Variants in SGSM1 observed in about 807,000 individuals in gnomAD.
SGSM1 encodes small G protein signaling modulator 1, also known as RUN and TBC1 domain containing 2.
SGSM1 carries 73 observed loss-of-function variants against 133.8 expected under a neutral mutation model. That is an observed-to-expected ratio of 0.55 (90% CI 0.45 to 0.66). The LOEUF (loss-of-function observed/expected upper bound fraction) is 0.66, where lower values mean the gene tolerates loss of function less well. SGSM1 is among the 30% of genes least tolerant of loss of function. The pLI is 0.00. For synonymous variants in SGSM1, 563 were observed against 573.0 expected (o/e 0.98, Z 0.25); for missense variants, 1,213 against 1,448.1 (o/e 0.84, Z 2.64).
At chr22:24,822,812 CTTTGA>C (rs1928561743) in intron 2 of SGSM1, among the ~76,000 whole-genome samples, 1 of 152,220 alleles carries the variant, frequency 6.6e-6, no homozygotes, top group Middle Eastern at 3.2e-3. Context: ...GAGCAAGAGA[CTTTGA>C]TTTAAGTCCC....
chr22:24,896,908 C>T (rs1298623907), intron 18 of SGSM1, among the ~76,000 whole-genome samples: 2 of 151,656 alleles, frequency 1.3e-5, no homozygotes, highest in Admixed American at 6.6e-5. Flanking sequence ...ACCCGGGAGG[C>T]GGAGGTTGTG....
chr22:24,921,437 C>G (rs1934004742), intron 24 of SGSM1, among the ~76,000 whole-genome samples: 1 of 152,148 alleles, frequency 6.6e-6, no homozygotes, highest in Non-Finnish European at 1.5e-5. Context: ...TCTCAAGTGA[C>G]TATTCTATAA....
At chr22:24,919,017 A>G (rs1411428625) in intron 23 of SGSM1, among the ~76,000 whole-genome samples, 1 of 139,864 alleles carries the variant, frequency 7.1e-6, no homozygotes, top group African/African-American at 2.7e-5. Flanking sequence ...TTGGGATTAC[A>G]GGTGTGAGCC....
In SGSM1 at chr22:24,926,381, CT is replaced by C. The variant is rs1043537423; in HGVS notation, c.*2108del. 2.0e-5 allele frequency: 3 copies of C among 152,190 alleles called. No individual in the cohort carries two copies. Among genetic ancestry groups the C allele is most frequent in the Non-Finnish European group, 4.4e-5 (3 of 68,050 alleles). The allele number at this position is 152,190 out of a possible 1,614,324, so 9.4% of individuals were successfully genotyped here. A position where few individuals can be genotyped will look rare whatever the true frequency, so the allele number is the denominator to read the frequency against. The stretch of plus-strand genomic sequence containing the variant: ...GAAACGGGAGACGGCAACGTTCTGG[CT>C]GCCATTAGACTTACGTCTCCCTCCC... On this transcript the variant is annotated 3_prime_UTR_variant, in exon 25 of 25. Transcript: ENST00000400358.
chr22:24,808,844 C>A (rs879336457), intron 2 of SGSM1, among the ~76,000 whole-genome samples: 3 of 152,174 alleles, frequency 2.0e-5, no homozygotes, highest in Non-Finnish European at 2.9e-5. Context: ...CCCAAGAGCA[C>A]ACAGCCAAGA....
intron 14 of SGSM1, among the ~76,000 whole-genome samples, chr22:24,883,473 T>A (rs1249737215): frequency 6.6e-6 from 1 of 152,160 alleles, no homozygotes; most frequent in Non-Finnish European, 1.5e-5. Flanking sequence ...GCCTCTAGCC[T>A]ATGAATTAAA....
At chr22:24,920,020 G>A (rs1277029210) in intron 24 of SGSM1, 27 bp downstream of exon 24, 3 of 1,567,948 alleles carry the variant, frequency 1.9e-6, no homozygotes, top group African/African-American at 2.7e-5. Flanking sequence ...GGCCTCATGA[G>A]AGGGGTGCAG....
intron 21 of SGSM1, among the ~76,000 whole-genome samples, chr22:24,906,263 C>T (rs550497998): frequency 4.2e-4 from 64 of 152,214 alleles, no homozygotes; most frequent in South Asian, 2.1e-4. Flanking sequence ...AAACTAAACA[C>T]GATAGAGGGC....
Position 24,850,473 on chromosome 22 carries a change from C to A in SGSM1, c.455+41C>A, listed in dbSNP as rs192208623. 76 of 1,597,066 alleles carry A rather than the reference C, an allele frequency of 4.8e-5. 1 individual carries two copies. In the East Asian group the frequency reaches 1.3e-3, roughly 27 times the overall value. On this transcript the variant is annotated intron_variant, in intron 5 of 24. Transcript: ENST00000400358. ...CTGACACCTGGCCATGCTCTGCCCC[C>A]ACCTGCCGGCCGTTGTGGAAATTGC... is the stretch of plus-strand genomic sequence containing the variant.
intron 2 of SGSM1, among the ~76,000 whole-genome samples, chr22:24,822,029 A>T (rs1928502667): frequency 6.6e-6 from 1 of 151,106 alleles, no homozygotes; most frequent in Non-Finnish European, 1.5e-5. Context: ...TCACAGTATC[A>T]TGAGGAGAGT....
At chr22:24,847,897 G>T (rs1451874066) in intron 4 of SGSM1, 101 bp downstream of exon 4, 1 of 1,433,194 alleles carries the variant, frequency 7.0e-7, no homozygotes, top group Non-Finnish European at 9.3e-7. Context: ...ACTCTTTTCA[G>T]TCTCCATCCT....
rs142013629 is a variant in SGSM1 at position 24,880,929 on chromosome 22, G to A, written c.1495+1403G>A. 2.3e-3 allele frequency among the ~76,000 whole-genome samples: 343 copies of A among 152,314 alleles called. 1 individual carries two copies. Among genetic ancestry groups the A allele is most frequent in the African/African-American group, 7.6e-3 (317 of 41,574 alleles). On this transcript the variant is annotated intron_variant, in intron 14 of 24. Transcript: ENST00000400358. ...ATAATGGGCAGGCGCGGTGGCTTGC[G>A]CCTATAATCCCAGCACTTTGGGAGG...
intron 21 of SGSM1, among the ~76,000 whole-genome samples, chr22:24,907,352 G>T (rs984486972): frequency 5.3e-5 from 8 of 151,970 alleles, no homozygotes; most frequent in Non-Finnish European, 5.9e-5. Context: ...TGCAAGATTT[G>T]TACATTGAAA....
chr22:24,901,706 TG>T, intron 19 of SGSM1, 126 bp from the exon 20 acceptor site: 1 of 1,000,598 alleles, frequency 1.0e-6, no homozygotes, highest in Non-Finnish European at 1.4e-6. Context: ...CTGGTCCAGG[TG>T]GGAGATGTAT....
intron 21 of SGSM1, among the ~76,000 whole-genome samples, chr22:24,910,399 A>G (rs1933575490): frequency 6.6e-6 from 1 of 152,172 alleles, no homozygotes; most frequent in Admixed American, 6.6e-5. Flanking sequence ...CACACCTATA[A>G]TCCTAGCACT....
chr22:24,921,997 A>G (rs1934027279), intron 24 of SGSM1, among the ~76,000 whole-genome samples: 1 of 151,976 alleles, frequency 6.6e-6, no homozygotes, highest in African/African-American at 2.4e-5. Context: ...CACCGTGCCT[A>G]GCCAATAATA....
intron 2 of SGSM1, among the ~76,000 whole-genome samples, chr22:24,841,069 C>T (rs1367398988): frequency 6.6e-6 from 1 of 151,920 alleles, no homozygotes; most frequent in African/African-American, 2.4e-5. Flanking sequence ...CCAAGATGGT[C>T]TCGATCTCCT....
At position 24,855,111 on chromosome 22, in the gene SGSM1, T is replaced by C. The variant is rs1464072556; in HGVS notation, c.523+48T>C. 3.1e-6 allele frequency: 5 copies of C among 1,587,482 alleles called. No individual in the cohort carries two copies. In the African/African-American group the frequency reaches 5.4e-5, roughly 17 times the overall value. ...CTTCATCTAGACCCGTGGTCTTGAG[T>C]CTGAGGGGCACCTTCTCCAGGACTC... is the stretch of plus-strand genomic sequence containing the variant. On this transcript the variant is annotated intron_variant, in intron 6 of 24. Coordinates refer to ENST00000400358, the MANE Select transcript of SGSM1 (RefSeq NM_001098497.3).
At chr22:24,874,580 G>T in intron 12 of SGSM1, 1 of 1,593,084 alleles carries the variant, frequency 6.3e-7, no homozygotes, top group Non-Finnish European at 8.5e-7. Flanking sequence ...CAGCCCCCCA[G>T]TAATGTCTGG....
Sources: allele counts gnomAD v4.1 joint callset (sites outside exome capture counted in the v4.1 genomes callset), GRCh38; gene constraint gnomAD v4.1.1; transcripts MANE v1.5; gene names NCBI Gene and HGNC (gene_info 2026-07-23, HGNC 2026-07-21).